Variants in TBC1D4 observed in about 807,000 individuals in gnomAD.
TBC1D4 encodes TBC (Tre-2, BUB2, CDC16) domain-containing protein.
Under a neutral mutation model 142.5 loss-of-function variants are expected in TBC1D4, and 121 were observed. The observed-to-expected ratio is 0.85, with a 90% CI of 0.73 to 0.99. TBC1D4 has a LOEUF of 0.99. TBC1D4 is among the 50% of genes least tolerant of loss of function. TBC1D4 has a pLI of 0.00. For missense variants in TBC1D4, 1,475 were observed against 1,606.6 expected (o/e 0.92, Z 1.40); for synonymous variants, 630 against 628.2 (o/e 1.00, Z -0.04).
At chr13:75,290,247 G>C (rs1259261083) in intron 19 of TBC1D4, among the ~76,000 whole-genome samples, 1 of 151,974 alleles carries the variant, frequency 6.6e-6, no homozygotes, top group Non-Finnish European at 1.5e-5. Flanking sequence ...TAGATGTTGA[G>C]ATTTATAGTT....
At chr13:75,464,572 G>C (rs1346442641) in intron 1 of TBC1D4, among the ~76,000 whole-genome samples, 2 of 152,248 alleles carry the variant, frequency 1.3e-5, no homozygotes, top group South Asian at 2.1e-4. Flanking sequence ...TCTGAAGGCT[G>C]TCAGCCCCCT....
intron 1 of TBC1D4, among the ~76,000 whole-genome samples, chr13:75,457,708 C>T (rs949323777): frequency 3.3e-5 from 5 of 152,192 alleles, no homozygotes; most frequent in African/African-American, 1.2e-4. Flanking sequence ...ACCTAGGATG[C>T]TTATGAACAT....
chr13:75,431,911 G>A (rs554373025), intron 1 of TBC1D4, among the ~76,000 whole-genome samples: 19 of 152,178 alleles, frequency 1.2e-4, no homozygotes, highest in Admixed American at 2.6e-4. Flanking sequence ...AGGAAAGGAA[G>A]GAGTAGTCTC....
At chr13:75,379,830 A>C (rs2138248619) in intron 1 of TBC1D4, among the ~76,000 whole-genome samples, 1 of 148,346 alleles carries the variant, frequency 6.7e-6, no homozygotes, top group South Asian at 2.2e-4. Flanking sequence ...TATTGATAAA[A>C]TTAAGATAGC....
chr13:75,369,175 C>T (rs891979252), intron 1 of TBC1D4, among the ~76,000 whole-genome samples: 1 of 152,144 alleles, frequency 6.6e-6, no homozygotes, highest in African/African-American at 2.4e-5. Flanking sequence ...CAGGCAAGAA[C>T]CGTCACTTTC....
At chr13:75,382,043 A>T (rs1335333557) in intron 1 of TBC1D4, among the ~76,000 whole-genome samples, 1 of 152,196 alleles carries the variant, frequency 6.6e-6, no homozygotes, top group East Asian at 1.9e-4. Flanking sequence ...GAATCTTTTT[A>T]GGATGGGGAA....
chr13:75,341,396 T>A, intron 6 of TBC1D4, 100 bp downstream of exon 6: 3 of 1,298,486 alleles, frequency 2.3e-6, no homozygotes, highest in Non-Finnish European at 3.3e-6. Flanking sequence ...AGGTCATGCA[T>A]CTTTAGCTCT....
chr13:75,343,308 C>T (rs532227192), intron 5 of TBC1D4, among the ~76,000 whole-genome samples: 1 of 152,292 alleles, frequency 6.6e-6, no homozygotes, highest in South Asian at 2.1e-4. Context: ...CACAGTACTG[C>T]CATACTGCAG....
At chr13:75,351,384 G>GTA (rs1409451422) in intron 4 of TBC1D4, among the ~76,000 whole-genome samples, 3 of 151,038 alleles carry the variant, frequency 2.0e-5, no homozygotes, top group Admixed American at 6.6e-5. Context: ...TTTTGGGGGG[G>GTA]TATATATATA....
At position 75,454,049 on chromosome 13, in the gene TBC1D4, T is replaced by A. The variant is rs976781233; in HGVS notation, c.498+27221A>T. ...TATTTTTTTTTTTTTTGAGACAAAG[T>A]CTTGCTCTCTTGCTTAGGCTGAAGT... On this transcript the variant is annotated intron_variant, in intron 1 of 20. Transcript: ENST00000377636. Among the ~76,000 whole-genome samples the A allele has an allele frequency of 1.1e-4, 17 of 150,992 alleles. No homozygotes were observed. In the East Asian group the frequency reaches 2.9e-3, roughly 26 times the overall value.
At chr13:75,432,803 T>A (rs941018252) in intron 1 of TBC1D4, among the ~76,000 whole-genome samples, 1 of 151,950 alleles carries the variant, frequency 6.6e-6, no homozygotes, top group Non-Finnish European at 1.5e-5. Context: ...GTAAAAGACA[T>A]GCAGCCAGCA....
At chr13:75,326,493 C>G (rs1879278769) in intron 9 of TBC1D4, 70 bp from the exon 10 acceptor site, 1 of 1,513,862 alleles carries the variant, frequency 6.6e-7, no homozygotes, top group African/African-American at 1.4e-5. Context: ...AAACACAGAG[C>G]TCAAAAGTGA....
At chr13:75,357,619 G>A (rs1009774768) in intron 3 of TBC1D4, among the ~76,000 whole-genome samples, 12 of 152,200 alleles carry the variant, frequency 7.9e-5, no homozygotes, top group Admixed American at 7.2e-4. Context: ...CAATGGCAAT[G>A]TTTCCAGGAA....
At chr13:75,321,441 G>GTGTA (rs1555303383) in intron 11 of TBC1D4, among the ~76,000 whole-genome samples, 2 of 151,242 alleles carry the variant, frequency 1.3e-5, no homozygotes, top group East Asian at 1.9e-4. Context: ...GCATATATAT[G>GTGTA]TATATATATA....
intron 12 of TBC1D4, among the ~76,000 whole-genome samples, chr13:75,314,265 A>T (rs1733734215): frequency 6.6e-6 from 1 of 152,188 alleles, no homozygotes; most frequent in Non-Finnish European, 1.5e-5. Flanking sequence ...ACAGGTGATG[A>T]TACCAACAAA....
Position 75,306,375 on chromosome 13 carries a change from A to C in TBC1D4, c.2690T>G (p.Leu897Trp). The C allele has an allele frequency of 2.5e-6, 4 of 1,613,390 alleles. No individual in the cohort carries two copies. The South Asian group carries it at 3.3e-5, about 13-fold the overall frequency. ...TCTGATTTTAGCTCTGCAGTTTAAC[A>C]ACTTCTTATCCCAAGTTATTAAGAC... is the stretch of plus-strand genomic sequence containing the variant. The part of the protein sequence containing the change: ...KEVLITWDKK[L>W]LNCRAKIRCD... Residue 897 changes from leucine (L) to tryptophan (W), a missense_variant, in exon 15 of 21, where the codon TTG (leucine) becomes TGG (tryptophan). Transcript: ENST00000377636.
intron 1 of TBC1D4, among the ~76,000 whole-genome samples, chr13:75,408,359 G>A (rs1246062234): frequency 1.3e-5 from 2 of 152,124 alleles, no homozygotes; most frequent in Non-Finnish European, 2.9e-5. Flanking sequence ...CATCACGGAT[G>A]GACATTTGGG....
At chr13:75,293,628 A>G (rs1593865946) in intron 18 of TBC1D4, among the ~76,000 whole-genome samples, 1 of 152,248 alleles carries the variant, frequency 6.6e-6, no homozygotes, top group African/African-American at 2.4e-5. Flanking sequence ...GCAATAGTGT[A>G]TATTCAATAA....
At chr13:75,303,873 C>T (rs1466041988) in intron 15 of TBC1D4, among the ~76,000 whole-genome samples, 6 of 152,126 alleles carry the variant, frequency 3.9e-5, no homozygotes, top group African/African-American at 1.4e-4. Flanking sequence ...TATGGAATTC[C>T]AAGCTCCCTC....
Sources: allele counts gnomAD v4.1 joint callset (sites outside exome capture counted in the v4.1 genomes callset), GRCh38; gene constraint gnomAD v4.1.1; transcripts MANE v1.5; gene names NCBI Gene and HGNC (gene_info 2026-07-23, HGNC 2026-07-21).